The following SEC61A2 variants were observed in gnomAD, a reference collection of about 807,000 sequenced individuals.
SEC61A2 encodes protein transport protein Sec61 subunit alpha isoform 2.
SEC61A2 carries 28 observed loss-of-function variants against 59.9 expected under a neutral mutation model. That is an observed-to-expected ratio of 0.47 (90% confidence interval 0.35 to 0.64). SEC61A2 has a LOEUF of 0.64. Ranked by LOEUF, SEC61A2 falls within the 30% of genes least tolerant of loss-of-function variation. SEC61A2 has a pLI of 0.01. For synonymous variants in SEC61A2, 202 were observed against 214.4 expected (o/e 0.94, Z 0.50); for missense variants, 340 against 585.9 (o/e 0.58, Z 4.33).
intron 2 of SEC61A2, among the ~76,000 whole-genome samples, chr10:12,134,347 C>G (rs1037283511): frequency 2.0e-5 from 3 of 152,022 alleles, no homozygotes; most frequent in Non-Finnish European, 2.9e-5. Context: ...AATAGTTGTT[C>G]CATTAACATT....
At position 12,164,909 on chromosome 10, in the gene SEC61A2, C is replaced by CT. The variant is rs1432200841; in HGVS notation, c.*461dup. 2.3e-5 allele frequency: 22 copies of CT among 977,160 alleles called. No homozygotes were observed. The highest frequency in any genetic ancestry group is 7.0e-5 in the African/African-American group (4 of 57,028). The allele number at this position is 977,160 out of a possible 1,614,324, so 60.5% of individuals were successfully genotyped here. On this transcript the variant is annotated 3_prime_UTR_variant, in exon 12 of 12. Coordinates refer to ENST00000298428, the MANE Select transcript of SEC61A2 (RefSeq NM_018144.4). This position sits in a 1 kb window ranked among gnomAD's most constrained non-coding sequence, Gnocchi z 7.3. ...ATATTTTAGATAATTACTTTTTATA[C>CT]TTTTTTAACTCATGGTATCCCCACT...
At position 12,133,375 on chromosome 10, in the gene SEC61A2, C is replaced by T. The variant is rs147211625; in HGVS notation, c.75+67C>T. 636 of 779,378 alleles carry T rather than the reference C, an allele frequency of 8.2e-4. 4 individuals are homozygous for T. The East Asian group carries it at 0.015, about 19-fold the overall frequency. 48.3% of individuals were successfully genotyped at this position (779,378 alleles called of 1,614,324 possible). A position where few individuals can be genotyped will look rare whatever the true frequency, so the allele number is the denominator to read the frequency against. On this transcript the variant is annotated intron_variant, in intron 2 of 11. Transcript: ENST00000298428. ...CTTGTTCTATGAAACCAGCAAAATTCATTTCCTTACCTCAGTCCTTCTCTG... is the reference window on the plus strand; with the variant it reads ...CTTGTTCTATGAAACCAGCAAAATTTATTTCCTTACCTCAGTCCTTCTCTG...
At chr10:12,144,414 C>T (rs1488008304) in intron 4 of SEC61A2, among the ~76,000 whole-genome samples, 1 of 152,214 alleles carries the variant, frequency 6.6e-6, no homozygotes, top group East Asian at 1.9e-4. Context: ...TAATATCTTA[C>T]ATGAGCTATT....
rs1479066354 is a variant in SEC61A2 at position 12,145,739 on chromosome 10, A to G, written c.220+2544A>G. ...AGATGTGCCTCTCTCCAGCCTTGTT[A>G]GGATGTTGGAACATTACCCATCTGA... is the stretch of plus-strand genomic sequence containing the variant. On this transcript the variant is annotated intron_variant, in intron 4 of 11. Coordinates refer to ENST00000298428, the MANE Select transcript of SEC61A2 (RefSeq NM_018144.4). The surrounding 1 kb of genome is among the most constrained non-coding windows in gnomAD (Gnocchi z 4.4). Among the ~76,000 whole-genome samples, 1 of 152,232 alleles carries G rather than the reference A, an allele frequency of 6.6e-6. No individual in the cohort carries two copies. The highest frequency in any genetic ancestry group is 1.5e-5 in the Non-Finnish European group (1 of 68,042).
chr10:12,149,994 C>A lies in SEC61A2; in HGVS notation c.462+33C>A. On this transcript the variant is annotated intron_variant, in intron 6 of 11. Coordinates refer to ENST00000298428, the MANE Select transcript of SEC61A2 (RefSeq NM_018144.4). This position sits in a 1 kb window ranked among gnomAD's most constrained non-coding sequence, Gnocchi z 5.2. The stretch of plus-strand genomic sequence containing the variant: ...ATCCTATATTTTCCTATGCAGATAA[C>A]AAAACAGTTTGATTCCTTTTTCCTT... The A allele has an allele frequency of 7.0e-7, 1 of 1,423,602 alleles. No homozygotes were observed. Among genetic ancestry groups the A allele is most frequent in the Non-Finnish European group, 9.9e-7 (1 of 1,009,580 alleles). The allele number at this position is 1,423,602 out of a possible 1,614,324, so 88.2% of individuals were successfully genotyped here.
chr10:12,154,121 A>G lies in SEC61A2; in HGVS notation c.463-1657A>G, dbSNP rs1393311821. On this transcript the variant is annotated intron_variant, in intron 6 of 11. Transcript: ENST00000298428. The surrounding 1 kb of genome is among the most constrained non-coding windows in gnomAD (Gnocchi z 5.2). Reference sequence around the variant, plus strand: ...TCATACATGTCGTCCATTCCCCGTGAACATGTAGCAGTTAGGGTTCTGGTC... The same window carrying G: ...TCATACATGTCGTCCATTCCCCGTGGACATGTAGCAGTTAGGGTTCTGGTC... Among the ~76,000 whole-genome samples, 1 of 152,196 alleles carries G rather than the reference A, an allele frequency of 6.6e-6. No individual in the cohort carries two copies. The highest frequency in any genetic ancestry group is 1.5e-5 in the Non-Finnish European group (1 of 68,036).
chr10:12,148,151 G>C (rs1420879981), intron 4 of SEC61A2, among the ~76,000 whole-genome samples: 2 of 151,546 alleles, frequency 1.3e-5, no homozygotes, highest in African/African-American at 4.9e-5. Context: ...ATATTGGCCA[G>C]GCTGGTCTCA....
intron 4 of SEC61A2, among the ~76,000 whole-genome samples, chr10:12,144,073 C>G (rs1008309916): frequency 2.0e-5 from 3 of 152,032 alleles, no homozygotes; most frequent in Admixed American, 1.3e-4. Context: ...TCATGCCATC[C>G]TCCCTCAAAG....
In SEC61A2 at chr10:12,142,589, G is replaced by GT. The variant is rs756154493; in HGVS notation, c.142-527dup. On this transcript the variant is annotated intron_variant, in intron 3 of 11. Transcript: ENST00000298428. This position sits in a 1 kb window ranked among gnomAD's most constrained non-coding sequence, Gnocchi z 5.4. Reference sequence around the variant, plus strand: ...AGGTATAATATTCCATAATCTACTGGTGGGAGTGTTTTTTAAATTGTGGTA... The same window carrying GT: ...AGGTATAATATTCCATAATCTACTGGTTGGGAGTGTTTTTTAAATTGTGGTA... The GT allele has an allele frequency of 7.3e-6, 6 of 820,048 alleles. No homozygotes were observed. Among genetic ancestry groups the GT allele is most frequent in the Middle Eastern group, 6.1e-4 (1 of 1,630 alleles). The allele number at this position is 820,048 out of a possible 1,614,324, so 50.8% of individuals were successfully genotyped here.
rs1050642461 is a variant in SEC61A2, at chr10:12,156,422, T to C, written c.617-485T>C. Among the ~76,000 whole-genome samples the C allele has an allele frequency of 3.9e-5, 6 of 152,222 alleles. No homozygotes were observed. Among genetic ancestry groups the C allele is most frequent in the Non-Finnish European group, 7.3e-5 (5 of 68,040 alleles). Reference sequence around the variant, plus strand: ...CCTCATCTCCACTTCTAACAGATACTGTCCTAAGTGGTTAATACCTAAACT... The same window carrying C: ...CCTCATCTCCACTTCTAACAGATACCGTCCTAAGTGGTTAATACCTAAACT... On this transcript the variant is annotated intron_variant, in intron 7 of 11. Transcript: ENST00000298428. This position sits in a 1 kb window ranked among gnomAD's most constrained non-coding sequence, Gnocchi z 5.2.
rs965489993 is a variant in SEC61A2, at chr10:12,156,629, A to G, written c.617-278A>G. On this transcript the variant is annotated intron_variant, in intron 7 of 11. Coordinates refer to ENST00000298428, the MANE Select transcript of SEC61A2 (RefSeq NM_018144.4). This position sits in a 1 kb window ranked among gnomAD's most constrained non-coding sequence, Gnocchi z 5.2. ...TGAAGTAGAGGAGAGGCAAATCTCTATGAATGAAATTTTGCTTTGGTAAAT... is the reference window on the plus strand; with the variant it reads ...TGAAGTAGAGGAGAGGCAAATCTCTGTGAATGAAATTTTGCTTTGGTAAAT... 2.0e-5 allele frequency among the ~76,000 whole-genome samples: 3 copies of G among 152,204 alleles called. No homozygotes were observed. The highest frequency in any genetic ancestry group is 7.2e-5 in the African/African-American group (3 of 41,458).
At position 12,143,861 on chromosome 10, in the gene SEC61A2, G is replaced by A. The variant is rs116080584; in HGVS notation, c.220+666G>A. On this transcript the variant is annotated intron_variant, in intron 4 of 11. Transcript: ENST00000298428. This position sits in a 1 kb window ranked among gnomAD's most constrained non-coding sequence, Gnocchi z 4.8. ...ATGCTGGACAGTGAGAGTAGCAAGGGGTACAACCAGTCGTGAGGTTTCTTA... is the reference window on the plus strand; with the variant it reads ...ATGCTGGACAGTGAGAGTAGCAAGGAGTACAACCAGTCGTGAGGTTTCTTA... 0.026 allele frequency among the ~76,000 whole-genome samples: 3,977 copies of A among 152,218 alleles called. 162 individuals carry two copies. The highest frequency in any genetic ancestry group is 0.09 in the African/African-American group (3,736 of 41,508).
In SEC61A2 at chr10:12,136,110, G is replaced by T. The variant is rs1289507113; in HGVS notation, c.81G>T (p.Gln27His). The change falls in exon 3 of 12, where the codon CAG (glutamine) becomes CAT (histidine). Residue 27 changes from glutamine (Q) to histidine (H), a missense_variant. Physicochemically the swap from Gln to His is conservative, Grantham distance 24. Coordinates refer to ENST00000298428, the MANE Select transcript of SEC61A2 (RefSeq NM_018144.4). Reference protein sequence around the residue: ...PEIQKPERKIQFREKVLWTAI... With the variant: ...PEIQKPERKIHFREKVLWTAI... ...CTTTACATTTTGTTGTACAGATCCA[G>T]TTTAGAGAGAAGGTTCTGTGGACTG... is the stretch of plus-strand genomic sequence containing the variant. 1 of 1,605,912 alleles carries T rather than the reference G, an allele frequency of 6.2e-7. No individual in the cohort carries two copies. Among genetic ancestry groups the T allele is most frequent in the Non-Finnish European group, 8.5e-7 (1 of 1,172,802 alleles).
downstream of SEC61A2, chr10:12,165,519 C>CAGAT (rs918618949): frequency 1.6e-5 from 4 of 246,188 alleles, no homozygotes; most frequent in Non-Finnish European, 1.9e-5. Context: ...AAATTATTGA[C>CAGAT]AGATAGATAG....
At chr10:12,169,904 A>G, downstream of SEC61A2, 1 of 482,318 alleles carries the variant, frequency 2.1e-6, no homozygotes, top group Non-Finnish European at 3.7e-6. This position sits in a 1 kb window ranked among gnomAD's most constrained non-coding sequence, Gnocchi z 4.8. Flanking sequence ...ACAGTAGAAA[A>G]ATCAGTTATC....
At chr10:12,148,712 G>C (rs538622709) in intron 4 of SEC61A2, among the ~76,000 whole-genome samples, 12 of 150,724 alleles carry the variant, frequency 8.0e-5, no homozygotes, top group African/African-American at 2.9e-4. Flanking sequence ...GCCAATTTTT[G>C]TATTTTCAGT....
rs1177799285 is a variant in SEC61A2, at chr10:12,149,976, A to G, written c.462+15A>G. On this transcript the variant is annotated intron_variant, in intron 6 of 11. Coordinates refer to ENST00000298428, the MANE Select transcript of SEC61A2 (RefSeq NM_018144.4). This position sits in a 1 kb window ranked among gnomAD's most constrained non-coding sequence, Gnocchi z 5.2. ...TCATCATTCAGGTAAGAAATCCTATATTTTCCTATGCAGATAACAAAACAG... is the reference window on the plus strand; with the variant it reads ...TCATCATTCAGGTAAGAAATCCTATGTTTTCCTATGCAGATAACAAAACAG... 5 of 1,541,814 alleles carry G rather than the reference A, an allele frequency of 3.2e-6. No homozygotes were observed. The highest frequency in any genetic ancestry group is 4.5e-6 in the Non-Finnish European group (5 of 1,114,430).
intron 2 of SEC61A2, 96 bp from the exon 3 acceptor site, chr10:12,136,009 A>G: frequency 1.3e-6 from 1 of 784,008 alleles, no homozygotes; most frequent in Non-Finnish European, 2.3e-6. Context: ...ATTTCTGTGA[A>G]TTAGGCCCCA....
chr10:12,133,436 T>C (rs916095863), intron 2 of SEC61A2, 128 bp downstream of exon 2: 4 of 501,344 alleles, frequency 8.0e-6, no homozygotes, highest in African/African-American at 7.8e-5. Flanking sequence ...TCATCCTCCT[T>C]GCAAGAGGCA....
Sources: gnomAD v4.1 joint callset for allele counts (sites outside exome capture counted in the v4.1 genomes callset) on GRCh38, gnomAD v4.1.1 for gene constraint, Gnocchi (gnomAD v3.1) non-coding constraint, MANE v1.5 for transcripts, NCBI Gene and HGNC (gene_info 2026-07-23, HGNC 2026-07-21) for gene names.